The following B4GALNT3 variants were observed in gnomAD, a reference collection of about 807,000 sequenced individuals.
B4GALNT3 encodes beta-1,4-N-acetylgalactosaminyltransferase 3.
In B4GALNT3, 86 loss-of-function variants were observed where a neutral mutation model predicts 120.2. That is an observed-to-expected ratio of 0.72 (90% confidence interval 0.60 to 0.86). B4GALNT3 has a LOEUF of 0.86. Among genes scored for constraint, B4GALNT3 ranks in the 40% least tolerant of loss-of-function variants. The probability of loss-of-function intolerance (pLI) is 0.00; values close to 1 mark genes in which losing one functional copy is unlikely to be tolerated. For synonymous variants in B4GALNT3, 518 were observed against 510.4 expected (o/e 1.01, Z -0.20); for missense variants, 1,167 against 1,298.9 (o/e 0.90, Z 1.56).
rs753724873 is a variant in B4GALNT3, at chr12:552,071, G to C, written c.1116G>C (p.Leu372=). ...QRYQGLRFVH[L]SFVYPNDYTR... The stretch of plus-strand genomic sequence containing the variant: ...GATTTTTCCACTTCCAGGTTCATCT[G>C]TCTTTTGTTTACCCCAATGACTATA... Residue 372 remains leucine, a synonymous_variant, in exon 12 of 20, where the codon CTG becomes CTC. Coordinates refer to ENST00000266383, the MANE Select transcript of B4GALNT3 (RefSeq NM_173593.4). The C allele has an allele frequency of 6.2e-7, 1 of 1,606,376 alleles. No individual in the cohort carries two copies. The highest frequency in any genetic ancestry group is 8.5e-7 in the Non-Finnish European group (1 of 1,173,064).
Position 556,550 on chromosome 12 carries a change from G to A in B4GALNT3, c.2064G>A (p.Arg688=), listed in dbSNP as rs763748910. 5.0e-6 allele frequency: 8 copies of A among 1,610,402 alleles called. No homozygotes were observed. The highest frequency in any genetic ancestry group is 1.7e-5 in the Admixed American group (1 of 59,956). ...CTCCCCACACTTTCTGCCATAGGAG[G>A]TACCAGCTACAGCGCATTGTGAACG... is the stretch of plus-strand genomic sequence containing the variant. ...LKKLNQRSRG[R]YQLQRIVNVE... is the part of the protein sequence containing the mutation. The change falls in exon 15 of 20, where the codon AGG becomes AGA. Residue 688 remains arginine (R), a synonymous_variant. Transcript: ENST00000266383.
chr12:554,139 C>T (rs945377497), intron 14 of B4GALNT3, among the ~76,000 whole-genome samples, 156 bp downstream of exon 14: 2 of 152,182 alleles, frequency 1.3e-5, no homozygotes, highest in Non-Finnish European at 2.9e-5. Flanking sequence ...GACAAGTGCC[C>T]GGGGCCCCTG....
chr12:541,838 C>A (rs1395791937), intron 3 of B4GALNT3, among the ~76,000 whole-genome samples: 52 of 64,346 alleles, frequency 8.1e-4, no homozygotes, highest in African/African-American at 2.9e-3. Flanking sequence ...AGTCCCCCCC[C>A]TCACCCCCCC....
chr12:515,561 T>C (rs1946644941), intron 1 of B4GALNT3, among the ~76,000 whole-genome samples: 1 of 152,210 alleles, frequency 6.6e-6, no homozygotes, highest in Non-Finnish European at 1.5e-5. Flanking sequence ...CTGCCTGGCA[T>C]ATTGTAAATG....
At chr12:465,950 T>C (rs1946074282) in intron 1 of B4GALNT3, among the ~76,000 whole-genome samples, 1 of 147,962 alleles carries the variant, frequency 6.8e-6, no homozygotes, top group Non-Finnish European at 1.5e-5. Flanking sequence ...CCACACTCCC[T>C]GTTCTGGGAG....
chr12:553,636 G>A lies in B4GALNT3; in HGVS notation c.1713G>A (p.Glu571=), dbSNP rs1328544429. ...WLNQVESYIA[E]QRRGDRMRPQ... ...ACCAGGTGGAGTCGTACATCGCAGA[G>A]CAGAGACGGGGTGACAGGATGCGGC... The change falls in exon 14 of 20, where the codon GAG becomes GAA. Residue 571 remains glutamate (E), a synonymous_variant. Transcript: ENST00000266383. The A allele has an allele frequency of 6.2e-7, 1 of 1,614,026 alleles. No homozygotes were observed. The highest frequency in any genetic ancestry group is 8.5e-7 in the Non-Finnish European group (1 of 1,179,902).
At chr12:508,051 C>T (rs962920374) in intron 1 of B4GALNT3, among the ~76,000 whole-genome samples, 1 of 152,242 alleles carries the variant, frequency 6.6e-6, no homozygotes, top group African/African-American at 2.4e-5. Flanking sequence ...TTCTCATGAT[C>T]ATCCATTGTA....
chr12:496,877 C>T (rs1031274102), intron 1 of B4GALNT3, among the ~76,000 whole-genome samples: 2 of 152,268 alleles, frequency 1.3e-5, no homozygotes, highest in East Asian at 1.9e-4. Flanking sequence ...GTACTTCATT[C>T]GTTTATTCTA....
chr12:503,820 A>G (rs960778754), intron 1 of B4GALNT3, among the ~76,000 whole-genome samples: 5 of 152,104 alleles, frequency 3.3e-5, no homozygotes, highest in Non-Finnish European at 7.4e-5. Context: ...CTTCTTCTTA[A>G]AAGTGTAAAA....
chr12:545,465 G>T lies in B4GALNT3; in HGVS notation c.635G>T (p.Gly212Val). Residue 212 changes from glycine (G) to valine (V), a missense_variant, in exon 6 of 20, where the codon GGC (glycine) becomes GTC (valine). Physicochemically the swap from Gly to Val is moderately radical, Grantham distance 109. Around this residue, in one of 3 missense-constraint regions of B4GALNT3, gnomAD observed 983 missense variants for 1,102.5 expected, o/e 0.89. Coordinates refer to ENST00000266383, the MANE Select transcript of B4GALNT3 (RefSeq NM_173593.4). ...GGCCTCCAGCTGCTGGCCAGTGTGG[G>T]CAAGGTAAGGCCAGCTCAACCCCGG... The part of the protein sequence containing the change: ...VSGLQLLASV[G>V]KTGKEWTAPG... The T allele has an allele frequency of 1.2e-6, 2 of 1,600,498 alleles. No individual in the cohort carries two copies. The highest frequency in any genetic ancestry group is 1.1e-5 in the South Asian group (1 of 88,414).
rs868153326 is a variant in B4GALNT3, at chr12:545,549, G to A, written c.639+80G>A. ...AGTCCTCCAGCAGCTGCTCATTACT[G>A]TTAGCATCTCTGGTGTGACAGCGGG... On this transcript the variant is annotated intron_variant, in intron 6 of 19. Coordinates refer to ENST00000266383, the MANE Select transcript of B4GALNT3 (RefSeq NM_173593.4). The A allele has an allele frequency of 2.2e-5, 29 of 1,343,782 alleles. No homozygotes were observed. In the Middle Eastern group the frequency reaches 1.2e-3, roughly 56 times the overall value. 83.2% of individuals were successfully genotyped at this position (1,343,782 alleles called of 1,614,324 possible).
chr12:504,748 T>C (rs1394552139), intron 1 of B4GALNT3, among the ~76,000 whole-genome samples: 2 of 152,128 alleles, frequency 1.3e-5, no homozygotes, highest in African/African-American at 4.8e-5. Flanking sequence ...CATACTGTTA[T>C]TAATTATCAT....
At chr12:542,723 A>G (rs74387472) in intron 3 of B4GALNT3, among the ~76,000 whole-genome samples, 3,844 of 152,304 alleles carry the variant, frequency 0.025, 163 homozygotes, top group African/African-American at 0.087. Context: ...CTCCAAGCCC[A>G]GTCCTGCAGA....
At chr12:557,963 G>A in intron 16 of B4GALNT3, 53 bp from the exon 17 acceptor site, 3 of 1,588,138 alleles carry the variant, frequency 1.9e-6, no homozygotes, top group East Asian at 4.5e-5. Flanking sequence ...ACTTCCTCCA[G>A]GGGACCACCG....
rs770146514 is a variant in B4GALNT3, at chr12:559,323, G to A, written c.2790G>A (p.Leu930=). The part of the protein sequence containing the change: ...EGYWEVNGFG[L]LGIYKSDLDR... ...ACTGGGAGGTGAATGGGTTCGGGCT[G>A]CTTGGCATCTACAAGTCTGACCTGG... The change falls in exon 19 of 20, where the codon CTG becomes CTA. Residue 930 remains leucine (L), a synonymous_variant. Transcript: ENST00000266383. 2.5e-6 allele frequency: 4 copies of A among 1,614,094 alleles called. No individual in the cohort carries two copies. Among genetic ancestry groups the A allele is most frequent in the Non-Finnish European group, 3.4e-6 (4 of 1,179,986 alleles).
intron 1 of B4GALNT3, among the ~76,000 whole-genome samples, chr12:487,601 T>C (rs1239019577): frequency 2.0e-5 from 3 of 151,466 alleles, no homozygotes; most frequent in Non-Finnish European, 4.4e-5. Flanking sequence ...TAGTCCCAGC[T>C]ACTTGGGAGG....
chr12:508,605 G>A (rs572888875), intron 1 of B4GALNT3, among the ~76,000 whole-genome samples: 32 of 152,152 alleles, frequency 2.1e-4, no homozygotes, highest in African/African-American at 7.0e-4. Context: ...GCCTCCGATC[G>A]GCCTTATTCC....
intron 1 of B4GALNT3, among the ~76,000 whole-genome samples, chr12:525,704 G>A (rs1424456559): frequency 6.6e-6 from 1 of 152,220 alleles, no homozygotes; most frequent in Admixed American, 6.5e-5. Context: ...AAAGGAATAG[G>A]AGGAAGAGCA....
chr12:512,267 C>G (rs1946588239), intron 1 of B4GALNT3, among the ~76,000 whole-genome samples: 1 of 64,888 alleles, frequency 1.5e-5, no homozygotes, highest in Non-Finnish European at 3.0e-5. Context: ...CTTCTTCCAC[C>G]TTCTTCCACC....
Sources: allele counts gnomAD v4.1 joint callset (sites outside exome capture counted in the v4.1 genomes callset), GRCh38; gene constraint gnomAD v4.1.1; regional missense constraint gnomAD v4.1.1; transcripts MANE v1.5; gene names NCBI Gene and HGNC (gene_info 2026-07-23, HGNC 2026-07-21).